The following FHIT variants were observed in gnomAD, a reference collection of about 807,000 sequenced individuals.
The protein encoded by FHIT is bis(5'-adenosyl)-triphosphatase.
FHIT carries 19 observed loss-of-function variants against 17.9 expected under a neutral mutation model. That is an observed-to-expected ratio of 1.06 (90% confidence interval 0.74 to 1.56). FHIT has a LOEUF of 1.56. FHIT is among the 40% of genes most tolerant of loss of function. FHIT has a pLI of 0.00. For synonymous variants in FHIT, 81 were observed against 69.7 expected (o/e 1.16, Z -0.81); for missense variants, 248 against 189.2 (o/e 1.31, Z -1.82).
intron 4 of FHIT, among the ~76,000 whole-genome samples, chr3:60,603,536 C>T (rs546504766): frequency 1.1e-4 from 17 of 151,420 alleles, no homozygotes; most frequent in African/African-American, 4.1e-4. Context: ...TATTGTGTTG[C>T]TTTCTTCTGT....
chr3:60,594,027 C>A (rs2038179268), intron 4 of FHIT, among the ~76,000 whole-genome samples: 1 of 152,094 alleles, frequency 6.6e-6, no homozygotes, highest in African/African-American at 2.4e-5. Context: ...AAAGCCAGAG[C>A]TGCGTTGAGA....
intron 5 of FHIT, among the ~76,000 whole-genome samples, chr3:60,322,832 G>A (rs1007732594): frequency 1.3e-5 from 2 of 152,112 alleles, no homozygotes; most frequent in African/African-American, 4.8e-5. Flanking sequence ...CAGAAACTGC[G>A]ACGACTATAA....
intron 2 of FHIT, among the ~76,000 whole-genome samples, chr3:61,131,532 A>AGGAGAGGACTGCGTGGATGG (rs1217042414): frequency 2.6e-5 from 4 of 152,236 alleles, no homozygotes; most frequent in African/African-American, 9.6e-5. Context: ...AGCCTTGGTC[A>AGGAGAGGACTGCGTGGATGG]GGAGAGGACT....
At chr3:60,208,372 TC>T (rs200633161) in intron 5 of FHIT, among the ~76,000 whole-genome samples, 2 of 143,866 alleles carry the variant, frequency 1.4e-5, no homozygotes, top group South Asian at 4.5e-4. Flanking sequence ...TGAAATCACC[TC>T]CCCCCAAATT....
At chr3:60,766,099 G>C (rs1296442981) in intron 4 of FHIT, among the ~76,000 whole-genome samples, 2 of 152,102 alleles carry the variant, frequency 1.3e-5, no homozygotes, top group Non-Finnish European at 2.9e-5. Flanking sequence ...CCTTGTAATG[G>C]TGTGAGCCAA....
At chr3:60,376,242 T>C (rs1700555331) in intron 5 of FHIT, among the ~76,000 whole-genome samples, 1 of 152,218 alleles carries the variant, frequency 6.6e-6, no homozygotes, top group South Asian at 2.1e-4. Flanking sequence ...CCCCCATGCT[T>C]GACACATAGT....
At chr3:59,963,942 G>T (rs371833841) in intron 7 of FHIT, among the ~76,000 whole-genome samples, 1 of 152,200 alleles carries the variant, frequency 6.6e-6, no homozygotes, top group Non-Finnish European at 1.5e-5. Context: ...CATCGTAACA[G>T]TGTATTATCT....
intron 8 of FHIT, among the ~76,000 whole-genome samples, chr3:59,902,044 T>C (rs747616981): frequency 5.8e-4 from 88 of 152,162 alleles, no homozygotes; most frequent in Non-Finnish European, 1.0e-3. Context: ...GGAAACCATA[T>C]ATCAGACAGG....
chr3:61,183,746 G>A (rs2038415996), intron 2 of FHIT, among the ~76,000 whole-genome samples: 1 of 152,008 alleles, frequency 6.6e-6, no homozygotes. Context: ...ATGGAATAAT[G>A]GTCCACAATG....
chr3:60,514,096 T>A (rs2035053817), intron 5 of FHIT, among the ~76,000 whole-genome samples: 1 of 152,152 alleles, frequency 6.6e-6, no homozygotes, highest in African/African-American at 2.4e-5. Flanking sequence ...CATCACCCAA[T>A]AAAATCCTCT....
At chr3:61,226,247 G>C (rs1295237245) in intron 1 of FHIT, among the ~76,000 whole-genome samples, 1 of 152,160 alleles carries the variant, frequency 6.6e-6, no homozygotes, top group Non-Finnish European at 1.5e-5. Flanking sequence ...GAAGGTGCTA[G>C]TCAAATCTCA....
chr3:60,068,037 A>C (rs773125942), intron 5 of FHIT, among the ~76,000 whole-genome samples: 1 of 152,108 alleles, frequency 6.6e-6, no homozygotes, highest in Non-Finnish European at 1.5e-5. Context: ...GGAGTTTGAG[A>C]CCAGCCTGGT....
chr3:60,582,188 C>A (rs1010823420), intron 4 of FHIT, among the ~76,000 whole-genome samples: 1 of 152,060 alleles, frequency 6.6e-6, no homozygotes, highest in East Asian at 1.9e-4. Flanking sequence ...ACCGAGACAT[C>A]AGGATATTTT....
At chr3:60,607,240 T>G (rs965293089) in intron 4 of FHIT, among the ~76,000 whole-genome samples, 2 of 151,966 alleles carry the variant, frequency 1.3e-5, no homozygotes, top group Non-Finnish European at 2.9e-5. Flanking sequence ...TCTTCTAGAA[T>G]AATATAAATT....
At chr3:60,960,894 C>A (rs949920644) in intron 3 of FHIT, among the ~76,000 whole-genome samples, 2 of 152,170 alleles carry the variant, frequency 1.3e-5, no homozygotes, top group Admixed American at 6.5e-5. Flanking sequence ...AATAAACACA[C>A]GTGTGCATGT....
intron 2 of FHIT, among the ~76,000 whole-genome samples, chr3:61,089,320 C>CTTG (rs2035405716): frequency 6.6e-6 from 1 of 152,122 alleles, no homozygotes; most frequent in Non-Finnish European, 1.5e-5. Flanking sequence ...GAACAACTAC[C>CTTG]TGTATCTAGG....
At chr3:60,121,787 C>CA (rs1175227425) in intron 5 of FHIT, among the ~76,000 whole-genome samples, 1 of 152,002 alleles carries the variant, frequency 6.6e-6, no homozygotes, top group African/African-American at 2.4e-5. Flanking sequence ...CCCTTGGTCC[C>CA]ACTCCAACAA....
rs948863659 is a variant in FHIT at position 60,311,473 on chromosome 3, T to C, written c.103+225387A>G. Among the ~76,000 whole-genome samples, 9 of 152,190 alleles carry C rather than the reference T, an allele frequency of 5.9e-5. 1 individual carries two copies. The highest frequency in any genetic ancestry group is 1.3e-4 in the Non-Finnish European group (9 of 68,026). On this transcript the variant is annotated intron_variant, in intron 5 of 9. Transcript: ENST00000492590. ...ACAGGTCAAGATGTTGTCTGGTTTCTTCACTATATGGCTACTGTGTTTTTC... is the reference window on the plus strand; with the variant it reads ...ACAGGTCAAGATGTTGTCTGGTTTCCTCACTATATGGCTACTGTGTTTTTC...
chr3:60,809,438 C>A (rs1463100300), intron 4 of FHIT, among the ~76,000 whole-genome samples: 1 of 152,128 alleles, frequency 6.6e-6, no homozygotes, highest in African/African-American at 2.4e-5. Context: ...GCTATTATAA[C>A]CATGCATGAC....
Sources: gnomAD v4.1 joint callset for allele counts (sites outside exome capture counted in the v4.1 genomes callset) on GRCh38, gnomAD v4.1.1 for gene constraint, MANE v1.5 for transcripts, NCBI Gene and HGNC (gene_info 2026-07-23, HGNC 2026-07-21) for gene names.